Variants in PCDHGA3 observed in about 807,000 individuals in gnomAD.
The protein encoded by PCDHGA3 is protocadherin gamma subfamily A, 3.
PCDHGA3 carries 40 observed loss-of-function variants against 58.5 expected under a neutral mutation model. The ratio of observed to expected loss-of-function variants is 0.68; its 90% confidence interval spans 0.53 to 0.89. PCDHGA3 has a LOEUF of 0.89. Ranked by LOEUF, PCDHGA3 falls within the 40% of genes least tolerant of loss-of-function variation. The pLI is 0.00. For synonymous variants in PCDHGA3, 530 were observed against 525.7 expected, an observed-to-expected ratio of 1.01 and a Z score of -0.11; for missense variants, 1,223 against 1,195.9, an observed-to-expected ratio of 1.02 and a Z score of -0.33.
intron 1 of PCDHGA3, chr5:141,404,741 GACT>G: frequency 6.2e-7 from 1 of 1,614,072 alleles, no homozygotes; most frequent in Non-Finnish European, 8.5e-7. Flanking sequence ...AGTGGACAGA[GACT>G]CAGGCCAGAA....
intron 3 of PCDHGA3, among the ~76,000 whole-genome samples, chr5:141,509,139 A>G (rs1042555376): frequency 2.6e-5 from 4 of 152,140 alleles, no homozygotes; most frequent in African/African-American, 9.7e-5. Flanking sequence ...ACCGAGGCGC[A>G]TCCCGGCTCT....
rs768206517 is a variant in PCDHGA3 at position 141,432,482 on chromosome 5, G to C, written c.2425-62325G>C. 6.2e-7 allele frequency: 1 copy of C among 1,614,178 alleles called. No individual in the cohort carries two copies. Among genetic ancestry groups the C allele is most frequent in the South Asian group, 1.1e-5 (1 of 91,074 alleles). ...CCTCCCCACGGACGGTTCCACTGGC[G>C]TGGAGCTGGCTCCCCGCTCCGCAGA... On this transcript the variant is annotated intron_variant, in intron 1 of 3. Coordinates refer to ENST00000253812, the MANE Select transcript of PCDHGA3 (RefSeq NM_018916.4). The surrounding 1 kb of genome is among the most constrained non-coding windows in gnomAD (Gnocchi z 6.0).
chr5:141,391,560 T>C (rs981712066), intron 1 of PCDHGA3: 2 of 152,242 alleles, frequency 1.3e-5, no homozygotes, highest in African/African-American at 4.8e-5. Context: ...GTTTTCCATA[T>C]GCATAAGAAA....
At chr5:141,428,020 C>T (rs1443722620) in intron 1 of PCDHGA3, 1 of 1,605,408 alleles carries the variant, frequency 6.2e-7, no homozygotes, top group Admixed American at 1.7e-5. Context: ...GTGCCACGCG[C>T]CGCAGAGTCC....
rs201458472 is a variant in PCDHGA3 at position 141,403,860 on chromosome 5, C to T, written c.2424+57403C>T. 1.5e-5 allele frequency: 25 copies of T among 1,613,382 alleles called. No individual in the cohort carries two copies. In the Admixed American group the frequency reaches 2.7e-4, roughly 17 times the overall value. Reference sequence around the variant, plus strand: ...AATGAAAATACTGGGGAAATATCAACAGCAAAAAGTCTAGATTATGAAGAA... The same window carrying T: ...AATGAAAATACTGGGGAAATATCAATAGCAAAAAGTCTAGATTATGAAGAA... On this transcript the variant is annotated intron_variant, in intron 1 of 3. Coordinates refer to ENST00000253812, the MANE Select transcript of PCDHGA3 (RefSeq NM_018916.4).
chr5:141,505,072 G>A (rs1374916789), intron 2 of PCDHGA3, among the ~76,000 whole-genome samples: 1 of 152,228 alleles, frequency 6.6e-6, no homozygotes. Context: ...TGAGGCAGGA[G>A]AATCGCTTGA....
At chr5:141,467,373 T>C (rs2099143070) in intron 1 of PCDHGA3, among the ~76,000 whole-genome samples, 1 of 152,064 alleles carries the variant, frequency 6.6e-6, no homozygotes, top group Non-Finnish European at 1.5e-5. Context: ...TTTCTTATAT[T>C]GCATTTAGGT....
Position 141,421,262 on chromosome 5 carries a change from G to GGCTGCT in PCDHGA3, c.2425-73534_2425-73529dup, listed in dbSNP as rs748368476. 11 of 1,609,598 alleles carry GGCTGCT rather than the reference G, an allele frequency of 6.8e-6. No individual in the cohort carries two copies. The Admixed American group carries it at 8.4e-5, about 12-fold the overall frequency. ...CGGCTACAGCGCGGGGACCGCAGTC[G>GGCTGCT]GCTGCTGCTGCTGCTGTGCATTTTC... is the stretch of plus-strand genomic sequence containing the variant. On this transcript the variant is annotated intron_variant, in intron 1 of 3. Coordinates refer to ENST00000253812, the MANE Select transcript of PCDHGA3 (RefSeq NM_018916.4).
chr5:141,353,701 C>A (rs889492986), intron 1 of PCDHGA3, among the ~76,000 whole-genome samples: 1 of 152,142 alleles, frequency 6.6e-6, no homozygotes, highest in African/African-American at 2.4e-5. Context: ...TTCCATACTT[C>A]TTGTTTCTTT....
intron 1 of PCDHGA3, among the ~76,000 whole-genome samples, chr5:141,353,575 G>A (rs2149775873): frequency 6.6e-6 from 1 of 152,154 alleles, no homozygotes; most frequent in Middle Eastern, 3.4e-3. Flanking sequence ...TATAATTTCA[G>A]TCAATGATAT....
Position 141,485,444 on chromosome 5 carries a change from G to T in PCDHGA3, c.2425-9363G>T. 1 of 1,614,108 alleles carries T rather than the reference G, an allele frequency of 6.2e-7. No homozygotes were observed. The highest frequency in any genetic ancestry group is 8.5e-7 in the Non-Finnish European group (1 of 1,180,020). ...AGCCCTGCTCATCAAGAACCCAATC[G>T]ACCGAGAGGCACTGTGTGGGCTCAG... is the stretch of plus-strand genomic sequence containing the variant. On this transcript the variant is annotated intron_variant, in intron 1 of 3. Coordinates refer to ENST00000253812, the MANE Select transcript of PCDHGA3 (RefSeq NM_018916.4). This position sits in a 1 kb window ranked among gnomAD's most constrained non-coding sequence, Gnocchi z 5.7.
rs536041905 is a variant in PCDHGA3, at chr5:141,376,529, C to T, written c.2424+30072C>T. The T allele has an allele frequency of 9.9e-6, 16 of 1,613,656 alleles. No homozygotes were observed. The African/African-American group carries it at 2.0e-4, about 20-fold the overall frequency. ...TCAGGTGAGTTTCTTTCCGCCTAAG[C>T]GGGAAGAGTAATCTGATCTTCCCGC... is the stretch of plus-strand genomic sequence containing the variant. On this transcript the variant is annotated intron_variant, in intron 1 of 3. Transcript: ENST00000253812.
At chr5:141,462,648 C>T (rs2099044153) in intron 1 of PCDHGA3, among the ~76,000 whole-genome samples, 1 of 137,364 alleles carries the variant, frequency 7.3e-6, no homozygotes, top group Admixed American at 7.1e-5. Flanking sequence ...TCATTTCCAT[C>T]CTCAATTATC....
At chr5:141,442,708 A>C (rs2098338740) in intron 1 of PCDHGA3, among the ~76,000 whole-genome samples, 2 of 152,254 alleles carry the variant, frequency 1.3e-5, no homozygotes, top group Non-Finnish European at 2.9e-5. Context: ...AGTATCAGAC[A>C]TGCCAGAGCA....
chr5:141,403,487 T>C, intron 1 of PCDHGA3: 1 of 1,613,930 alleles, frequency 6.2e-7, no homozygotes. Flanking sequence ...TCACCACTTC[T>C]CCCTGAACGT....
chr5:141,355,655 T>A (rs900163276), intron 1 of PCDHGA3: 13 of 1,613,964 alleles, frequency 8.1e-6, no homozygotes, highest in African/African-American at 1.3e-5. Context: ...GGGGCAAGAT[T>A]TCCTCTTCCT....
chr5:141,460,505 A>T (rs1430823912), intron 1 of PCDHGA3, among the ~76,000 whole-genome samples: 1 of 152,150 alleles, frequency 6.6e-6, no homozygotes, highest in Non-Finnish European at 1.5e-5. Context: ...ATATGCTGAG[A>T]AGGCTATCTT....
At chr5:141,387,637 G>A (rs1397986235) in intron 1 of PCDHGA3, 14 of 603,144 alleles carry the variant, frequency 2.3e-5, no homozygotes, top group Non-Finnish European at 3.7e-5. Context: ...GGGCGCCGCT[G>A]TTGGCCAAAG....
chr5:141,468,680 C>T (rs1176643092), intron 1 of PCDHGA3: 1 of 151,074 alleles, frequency 6.6e-6, no homozygotes, highest in Non-Finnish European at 1.5e-5. Flanking sequence ...TCCTGGCTAA[C>T]ACGGTGAAAC....
Sources: allele counts gnomAD v4.1 joint callset (sites outside exome capture counted in the v4.1 genomes callset), GRCh38; gene constraint gnomAD v4.1.1; non-coding constraint Gnocchi (gnomAD v3.1); transcripts MANE v1.5; gene names NCBI Gene and HGNC (gene_info 2026-07-23, HGNC 2026-07-21).